Variants in MBNL1 observed in about 807,000 individuals in gnomAD.
MBNL1 encodes the protein muscleblind-like protein 1.
Under a neutral mutation model 42.2 loss-of-function variants are expected in MBNL1, and 8 were observed. That is an observed-to-expected ratio of 0.19 (90% CI 0.11 to 0.34). MBNL1 has a LOEUF of 0.34. Ranked by LOEUF, MBNL1 falls within the 10% of genes least tolerant of loss-of-function variation. The pLI, the probability that MBNL1 is intolerant of heterozygous loss-of-function variation, is 1.00. For missense variants in MBNL1, 309 were observed against 495.3 expected (o/e 0.62, Z 3.57); for synonymous variants, 169 against 173.9 (o/e 0.97, Z 0.22).
At chr3:152,441,967 A>G (rs1055130358) in intron 4 of MBNL1, among the ~76,000 whole-genome samples, 4 of 151,896 alleles carry the variant, frequency 2.6e-5, no homozygotes, top group African/African-American at 9.7e-5. Flanking sequence ...TAATTTTTGT[A>G]TTTTTAGTGG....
chr3:152,341,503 C>T (rs2093206385), intron 2 of MBNL1, among the ~76,000 whole-genome samples: 2 of 152,272 alleles, frequency 1.3e-5, no homozygotes, highest in South Asian at 2.1e-4. Flanking sequence ...AGGTCTCAAT[C>T]GCAGTCATAA....
intron 2 of MBNL1, among the ~76,000 whole-genome samples, chr3:152,335,750 A>G (rs1361733244): frequency 6.6e-6 from 1 of 152,206 alleles, no homozygotes; most frequent in Non-Finnish European, 1.5e-5. Context: ...AAGAATTTTA[A>G]GTTAATCATA....
chr3:152,348,135 T>A (rs1317758029), intron 2 of MBNL1, among the ~76,000 whole-genome samples: 2 of 152,094 alleles, frequency 1.3e-5, no homozygotes. Context: ...AAGAGTTAGA[T>A]ACCTTCCAAA....
intron 2 of MBNL1, among the ~76,000 whole-genome samples, chr3:152,332,780 A>C (rs1173369207): frequency 6.6e-6 from 1 of 151,418 alleles, no homozygotes; most frequent in Non-Finnish European, 1.5e-5. Flanking sequence ...ATTAGGTTAG[A>C]GTTTAAAAAA....
At chr3:152,404,163 TGGG>T (rs2098347151) in intron 2 of MBNL1, among the ~76,000 whole-genome samples, 1 of 152,114 alleles carries the variant, frequency 6.6e-6, no homozygotes, top group Non-Finnish European at 1.5e-5. Flanking sequence ...AATGAAAAAT[TGGG>T]AAAAAGAAAG....
intron 3 of MBNL1, among the ~76,000 whole-genome samples, chr3:152,416,533 T>C (rs1363254915): frequency 6.6e-6 from 1 of 152,210 alleles, no homozygotes; most frequent in African/African-American, 2.4e-5. Context: ...CAGACAAGTC[T>C]TTAGGGTGGC....
intron 2 of MBNL1, among the ~76,000 whole-genome samples, chr3:152,319,876 T>A (rs34134223): frequency 1.3e-5 from 2 of 152,080 alleles, no homozygotes; most frequent in Non-Finnish European, 2.9e-5. Flanking sequence ...TCTTTCTTTG[T>A]GCTCTTACTC....
At chr3:152,376,311 A>G (rs1475069873) in intron 2 of MBNL1, among the ~76,000 whole-genome samples, 1 of 152,158 alleles carries the variant, frequency 6.6e-6, no homozygotes, top group African/African-American at 2.4e-5. Context: ...TTTGACTCAG[A>G]TGTCTCAGAA....
chr3:152,383,017 C>G (rs952056243), intron 2 of MBNL1, among the ~76,000 whole-genome samples: 1 of 152,076 alleles, frequency 6.6e-6, no homozygotes, highest in Non-Finnish European at 1.5e-5. Flanking sequence ...CGTCTTTGGA[C>G]TCAAGGAGCC....
At chr3:152,290,270 C>G (rs2055107953) in intron 1 of MBNL1, among the ~76,000 whole-genome samples, 1 of 151,472 alleles carries the variant, frequency 6.6e-6, no homozygotes, top group Non-Finnish European at 1.5e-5. Context: ...TAAGTTTGAT[C>G]CTAATGAGAT....
Position 152,456,355 on chromosome 3 carries a change from C to T in MBNL1, c.1086C>T (p.Ala362=). The change falls in exon 8 of 10, where the codon GCC becomes GCT. Residue 362 remains alanine, a synonymous_variant. Transcript: ENST00000324210. ...TTCCCTTCGCTGCAACAGCCACAGC[C>T]AACCAGGTTTGCTAATTTACAGCTT... ...TSVPFAATAT[A]NQIPIISAEH... 1 of 1,613,654 alleles carries T rather than the reference C, an allele frequency of 6.2e-7. No individual in the cohort carries two copies. The highest frequency in any genetic ancestry group is 1.3e-5 in the African/African-American group (1 of 75,028).
intron 1 of MBNL1, among the ~76,000 whole-genome samples, chr3:152,274,265 T>G (rs1165289845): frequency 6.6e-6 from 1 of 152,190 alleles, no homozygotes; most frequent in East Asian, 1.9e-4. Flanking sequence ...CGTTGCTGAC[T>G]TGAAATATTA....
At chr3:152,297,421 G>A (rs906906828) in intron 1 of MBNL1, among the ~76,000 whole-genome samples, 1 of 146,786 alleles carries the variant, frequency 6.8e-6, no homozygotes, top group Non-Finnish European at 1.5e-5. Context: ...TCGGCTCACT[G>A]CAACATTCAC....
intron 2 of MBNL1, among the ~76,000 whole-genome samples, chr3:152,332,280 A>T (rs2085227522): frequency 6.6e-6 from 1 of 152,170 alleles, no homozygotes; most frequent in Admixed American, 6.5e-5. Context: ...CACTCATAAG[A>T]TGTCAAAATG....
At chr3:152,452,454 TCAGA>T (rs1250227522) in intron 6 of MBNL1, among the ~76,000 whole-genome samples, 1 of 152,218 alleles carries the variant, frequency 6.6e-6, no homozygotes, top group Non-Finnish European at 1.5e-5. Context: ...TCTAGTATTC[TCAGA>T]CAGGCTATGC....
At chr3:152,412,240 G>T (rs542589707) in intron 2 of MBNL1, among the ~76,000 whole-genome samples, 1 of 152,278 alleles carries the variant, frequency 6.6e-6, no homozygotes, top group South Asian at 2.1e-4. Flanking sequence ...AAGAAGCAAA[G>T]TGTATCTAAT....
intron 8 of MBNL1, 89 bp downstream of exon 8, chr3:152,456,450 G>C: frequency 9.4e-7 from 1 of 1,061,592 alleles, no homozygotes; most frequent in Non-Finnish European, 1.5e-6. Flanking sequence ...TCCCATTGAG[G>C]TCAGTGGGAA....
intron 2 of MBNL1, chr3:152,262,823 A>T (rs1033917078): frequency 6.6e-6 from 1 of 152,256 alleles, no homozygotes; most frequent in Admixed American, 6.5e-5. Flanking sequence ...ACATGTAATT[A>T]CATATTATAA....
intron 2 of MBNL1, among the ~76,000 whole-genome samples, chr3:152,393,389 G>A (rs1444321614): frequency 6.6e-6 from 1 of 152,202 alleles, no homozygotes; most frequent in African/African-American, 2.4e-5. Context: ...TAATGGGCAT[G>A]ATAATTTTAG....
Sources: allele counts gnomAD v4.1 joint callset (sites outside exome capture counted in the v4.1 genomes callset), GRCh38; gene constraint gnomAD v4.1.1; transcripts MANE v1.5; gene names NCBI Gene and HGNC (gene_info 2026-07-23, HGNC 2026-07-21).